Variants in LRRC56 observed in about 807,000 individuals in gnomAD.
LRRC56 encodes the protein leucine rich repeat containing 56, also known as leucine-rich repeat-containing protein 56.
A neutral mutation model predicts 47.8 loss-of-function variants in LRRC56; 41 were observed. The observed-to-expected ratio is 0.86, with a 90% CI of 0.67 to 1.11. The LOEUF (loss-of-function observed/expected upper bound fraction) is 1.11. LRRC56 is among the 50% of genes most tolerant of loss of function. The pLI is 0.00. For synonymous variants in LRRC56, 387 were observed against 311.2 expected (o/e 1.24, Z -2.56); for missense variants, 759 against 704.2 (o/e 1.08, Z -0.88).
rs1450704431 is a variant in LRRC56 at position 550,229 on chromosome 11, G to A, written c.581G>A (p.Gly194Asp). 6 of 1,611,230 alleles carry A rather than the reference G, an allele frequency of 3.7e-6. No individual in the cohort carries two copies. In the Admixed American group the frequency reaches 1.0e-4, roughly 27 times the overall value. The change falls in exon 8 of 14, where the codon GGC (glycine) becomes GAC (aspartate). Residue 194 changes from glycine (G) to aspartate (D), a missense_variant. Coordinates refer to ENST00000270115, the MANE Select transcript of LRRC56 (RefSeq NM_198075.4). ...CGCCTGGCCATGCTCACCCTGGAGG[G>A]CAACCTGGTGTGCCTACAGCCGGCC... ...CPRLAMLTLE[G>D]NLVCLQPAPG... is the part of the protein sequence containing the mutation.
At chr11:540,926 T>G (rs1437254655) in intron 4 of LRRC56, 65 bp downstream of exon 4, 1 of 1,317,316 alleles carries the variant, frequency 7.6e-7, no homozygotes, top group Non-Finnish European at 1.0e-6. Flanking sequence ...CAGGGCTCCT[T>G]CCTGCTGATG....
intron 5 of LRRC56, 123 bp from the exon 6 acceptor site, chr11:544,597 G>A: frequency 1.0e-6 from 1 of 976,730 alleles, no homozygotes; most frequent in Non-Finnish European, 1.6e-6. Flanking sequence ...TGTGGAGGGA[G>A]GCTTGTGAGG....
Position 552,123 on chromosome 11 carries a change from AG to A in LRRC56, c.1074del (p.Arg358SerfsTer52), listed in dbSNP as rs754387974. ...GCCCCCCGAGCAGCTGCCCCAACAC[AG>A]GCCAGGAGATCCGGCCGCCAGCACT... ...REPPEQLPQH[R>X]PGDPAASTST... On this transcript the variant is annotated frameshift_variant, in exon 12 of 14. Coordinates refer to ENST00000270115, the MANE Select transcript of LRRC56 (RefSeq NM_198075.4). LOFTEE classifies it high-confidence loss of function. 6.2e-7 allele frequency: 1 copy of A among 1,612,328 alleles called. No individual in the cohort carries two copies. Among genetic ancestry groups the A allele is most frequent in the South Asian group, 1.1e-5 (1 of 91,062 alleles).
intron 6 of LRRC56, among the ~76,000 whole-genome samples, chr11:547,935 G>A (rs1190559296): frequency 6.6e-6 from 1 of 151,968 alleles, no homozygotes; most frequent in Non-Finnish European, 1.5e-5. Flanking sequence ...AGACCAGCCT[G>A]GCCAAGATGG....
At chr11:513,449 G>T in the LRRC56 span, among the ~76,000 whole-genome samples, 22 of 152,250 alleles carry the variant, frequency 1.4e-4, 1 homozygote, top group South Asian at 4.6e-3. Flanking sequence ...GTGAGCCACC[G>T]CACCCAGCAA....
the LRRC56 span, among the ~76,000 whole-genome samples, chr11:530,483 CGTCCCCTGG>C: frequency 7.0e-6 from 1 of 142,276 alleles, no homozygotes; most frequent in Admixed American, 7.0e-5. Flanking sequence ...GCGAGTGTGG[CGTCCCCTGG>C]AGAGAAGGGC....
chr11:540,196 T>A (rs1029793629), intron 3 of LRRC56, among the ~76,000 whole-genome samples: 3 of 152,156 alleles, frequency 2.0e-5, no homozygotes, highest in Admixed American at 6.5e-5. Flanking sequence ...GGCACAGGGC[T>A]GGGGTAGGGG....
chr11:518,585 A>G, the LRRC56 span, among the ~76,000 whole-genome samples: 1 of 152,046 alleles, frequency 6.6e-6, no homozygotes, highest in Middle Eastern at 3.2e-3. Context: ...CGCCTCCCAA[A>G]GTGCTGGGAT....
At chr11:533,333 C>G, upstream of LRRC56, 1 of 1,605,140 alleles carries the variant, frequency 6.2e-7, no homozygotes, top group Non-Finnish European at 8.5e-7. Context: ...GGTCCCGGAG[C>G]TGGAGCTAGA....
At chr11:512,792 G>A in the LRRC56 span, among the ~76,000 whole-genome samples, 64 of 152,280 alleles carry the variant, frequency 4.2e-4, no homozygotes, top group Non-Finnish European at 8.1e-4. Context: ...ATGCTACGTC[G>A]CCTTCTAGTT....
upstream of LRRC56, among the ~76,000 whole-genome samples, chr11:535,103 G>A (rs1383668620): frequency 6.6e-6 from 1 of 151,904 alleles, no homozygotes; most frequent in Non-Finnish European, 1.5e-5. Context: ...CCTCCTCCCA[G>A]ACGCCCCCGG....
At chr11:532,529 G>A (rs536402231), upstream of LRRC56, 75 of 1,449,168 alleles carry the variant, frequency 5.2e-5, no homozygotes, top group African/African-American at 4.3e-4. Flanking sequence ...TGTGCTGGGC[G>A]GGGCACAAGG....
chr11:536,530 G>A (rs764363156), upstream of LRRC56, among the ~76,000 whole-genome samples: 14 of 152,344 alleles, frequency 9.2e-5, no homozygotes, highest in South Asian at 2.1e-4. Context: ...AGCACTTCGG[G>A]AGGCCTAAGC....
At chr11:547,376 C>CA (rs1360695299) in intron 6 of LRRC56, among the ~76,000 whole-genome samples, 1 of 150,048 alleles carries the variant, frequency 6.7e-6, no homozygotes, top group African/African-American at 2.5e-5. Flanking sequence ...TGTTTTGAGA[C>CA]AGAGTCTCAC....
At position 540,756 on chromosome 11, in the gene LRRC56, C is replaced by T. The variant is rs752190574; in HGVS notation, c.72C>T (p.Ser24=). 1 of 1,611,414 alleles carries T rather than the reference C, an allele frequency of 6.2e-7. No individual in the cohort carries two copies. The highest frequency in any genetic ancestry group is 1.7e-5 in the Admixed American group (1 of 59,810). The change falls in exon 4 of 14, where the codon AGC becomes AGT. Residue 24 remains serine, a synonymous_variant. Coordinates refer to ENST00000270115, the MANE Select transcript of LRRC56 (RefSeq NM_198075.4). ...STSSVRVREL[S]WQGLHNPCPQ... ...CCAGCGTCCGGGTGCGGGAGCTGAG[C>T]TGGCAAGGCCTGCACAACCCCTGCC...
chr11:532,620 G>A (rs757258278), upstream of LRRC56: 22 of 1,608,178 alleles, frequency 1.4e-5, no homozygotes, highest in Non-Finnish European at 2.5e-6. Flanking sequence ...CGCCCTGGGA[G>A]TCCCCCTCAC....
At chr11:535,001 G>C (rs185509448), upstream of LRRC56, among the ~76,000 whole-genome samples, 10 of 152,316 alleles carry the variant, frequency 6.6e-5, no homozygotes, top group East Asian at 1.7e-3. Context: ...GAGACCCGGA[G>C]AGGGAAAAGG....
At chr11:536,138 A>G (rs1420576116), upstream of LRRC56, among the ~76,000 whole-genome samples, 1 of 151,988 alleles carries the variant, frequency 6.6e-6, no homozygotes, top group African/African-American at 2.4e-5. Context: ...ACCGCAACCC[A>G]CCCCGAGGAC....
At chr11:543,992 C>G (rs2134034999) in intron 5 of LRRC56, among the ~76,000 whole-genome samples, 1 of 152,350 alleles carries the variant, frequency 6.6e-6, no homozygotes, top group African/African-American at 2.4e-5. Flanking sequence ...TAGTGATCCA[C>G]CCACCTCAGC....
Sources: allele counts gnomAD v4.1 joint callset (sites outside exome capture counted in the v4.1 genomes callset), GRCh38; gene constraint gnomAD v4.1.1; transcripts MANE v1.5; gene names NCBI Gene and HGNC (gene_info 2026-07-23, HGNC 2026-07-21).